The following DCAF8L2 variants were observed in gnomAD, a reference collection of about 807,000 sequenced individuals.
DCAF8L2 encodes DDB1- and CUL4-associated factor 8-like protein 2.
For synonymous variants in DCAF8L2, 200 were observed against 190.9 expected (o/e 1.05, Z -0.39); for missense variants, 430 against 490.7 (o/e 0.88, Z 1.17).
At chrX:27,513,759 A>G in the DCAF8L2 span, among the ~76,000 whole-genome samples, 1 of 111,322 alleles carries the variant, frequency 9.0e-6, no homozygotes, top group Non-Finnish European at 1.9e-5. Flanking sequence ...AAAATAATAC[A>G]TTGAAATTTC....
intron 2 of DCAF8L2, among the ~76,000 whole-genome samples, chrX:27,654,902 G>T (rs767923356): frequency 1.8e-5 from 2 of 110,741 alleles, no homozygotes; most frequent in Non-Finnish European, 3.8e-5. Flanking sequence ...TGTCATTAAC[G>T]TAACATTAAT....
At chrX:27,521,264 CA>C in the DCAF8L2 span, among the ~76,000 whole-genome samples, 2 of 111,981 alleles carry the variant, frequency 1.8e-5, no homozygotes, top group African/African-American at 6.5e-5. Context: ...AGAATTCTTT[CA>C]AAAAACATCT....
intron 1 of DCAF8L2, among the ~76,000 whole-genome samples, chrX:27,619,234 A>G (rs1442733570): frequency 8.9e-6 from 1 of 111,786 alleles, no homozygotes; most frequent in East Asian, 2.8e-4. Context: ...GTTATCTTAG[A>G]GATTTTAATA....
At chrX:27,737,649 A>C (rs1301836981) in intron 4 of DCAF8L2, among the ~76,000 whole-genome samples, 1 of 111,350 alleles carries the variant, frequency 9.0e-6, no homozygotes, top group Admixed American at 9.6e-5. Context: ...TTAATAATTC[A>C]ATTAGCATAC....
At chrX:27,709,932 C>A (rs778103940) in intron 3 of DCAF8L2, among the ~76,000 whole-genome samples, 1 of 106,738 alleles carries the variant, frequency 9.4e-6, no homozygotes, top group Non-Finnish European at 1.9e-5. Flanking sequence ...TCTAATAAAT[C>A]GTTGCAAATA....
At chrX:27,740,098 G>A (rs998476147) in intron 4 of DCAF8L2, among the ~76,000 whole-genome samples, 7 of 111,217 alleles carry the variant, frequency 6.3e-5, no homozygotes, top group African/African-American at 2.3e-4. Flanking sequence ...GTTCGTAATA[G>A]CAATGATGTC....
the DCAF8L2 span, among the ~76,000 whole-genome samples, chrX:27,548,898 G>A: frequency 3.6e-5 from 4 of 111,758 alleles, no homozygotes; most frequent in Non-Finnish European, 7.5e-5. Flanking sequence ...ACATCAGTCA[G>A]CTTTCGGGGC....
At chrX:27,665,555 C>T (rs1929711636) in intron 2 of DCAF8L2, among the ~76,000 whole-genome samples, 1 of 111,743 alleles carries the variant, frequency 8.9e-6, no homozygotes, top group South Asian at 3.7e-4. Flanking sequence ...GTATTGGCTC[C>T]AATTTTGAAA....
At chrX:27,619,838 A>T (rs1450513133) in intron 1 of DCAF8L2, among the ~76,000 whole-genome samples, 1 of 111,240 alleles carries the variant, frequency 9.0e-6, no homozygotes, top group Non-Finnish European at 1.9e-5. Flanking sequence ...AAACTGCATG[A>T]TAAAAAAAAG....
chrX:27,700,055 G>A (rs1931075015), intron 3 of DCAF8L2, among the ~76,000 whole-genome samples: 1 of 110,041 alleles, frequency 9.1e-6, no homozygotes, highest in African/African-American at 3.3e-5. Context: ...AAGGGAACAT[G>A]GGGCCAAAAT....
At chrX:27,669,459 T>C (rs895099684) in intron 2 of DCAF8L2, among the ~76,000 whole-genome samples, 8 of 109,317 alleles carry the variant, frequency 7.3e-5, no homozygotes, top group African/African-American at 2.0e-4. Context: ...TTTATTCATT[T>C]ATTTATTTAT....
intron 1 of DCAF8L2, among the ~76,000 whole-genome samples, chrX:27,625,095 G>A (rs1471993946): frequency 5.4e-5 from 6 of 111,478 alleles, no homozygotes; most frequent in Non-Finnish European, 3.8e-5. Flanking sequence ...CAAACTATGC[G>A]TCAAACAAAG....
the DCAF8L2 span, among the ~76,000 whole-genome samples, chrX:27,570,097 G>A: frequency 9.0e-6 from 1 of 110,970 alleles, no homozygotes; most frequent in African/African-American, 3.3e-5. Context: ...GGAAAAACAG[G>A]TATGCTCAGT....
At chrX:27,600,623 C>T (rs768464041) in intron 1 of DCAF8L2, among the ~76,000 whole-genome samples, 1 of 111,928 alleles carries the variant, frequency 8.9e-6, no homozygotes, top group Non-Finnish European at 1.9e-5. Context: ...AAGTATAAGA[C>T]AAAAATGAAT....
chrX:27,514,276 T>C, the DCAF8L2 span, among the ~76,000 whole-genome samples: 30 of 42,148 alleles, frequency 7.1e-4, 2 homozygotes, highest in African/African-American at 1.3e-3. Flanking sequence ...TATGTGCACA[T>C]ATGTACATAT....
the DCAF8L2 span, chrX:27,519,639 A>T: frequency 1.6e-6 from 1 of 618,034 alleles, no homozygotes; most frequent in African/African-American, 2.2e-5. Flanking sequence ...GTGCTGAATT[A>T]TCAAATGAAG....
At chrX:27,658,004 C>T (rs922957068) in intron 2 of DCAF8L2, among the ~76,000 whole-genome samples, 4 of 112,345 alleles carry the variant, frequency 3.6e-5, no homozygotes, top group African/African-American at 1.3e-4. Flanking sequence ...ACCCCTAATC[C>T]GTGCATTTTT....
chrX:27,509,323 C>T, the DCAF8L2 span, among the ~76,000 whole-genome samples: 1 of 111,397 alleles, frequency 9.0e-6, no homozygotes, highest in African/African-American at 3.3e-5. Flanking sequence ...TATTATTAAA[C>T]TAAGTTCAGC....
the DCAF8L2 span, among the ~76,000 whole-genome samples, chrX:27,514,667 T>C: frequency 2.3e-4 from 1 of 4,273 alleles, no homozygotes; most frequent in African/African-American, 4.1e-4. Flanking sequence ...AGACTCCGTC[T>C]CAAAAAAAAA....
Sources: allele counts gnomAD v4.1 joint callset (sites outside exome capture counted in the v4.1 genomes callset), GRCh38; gene constraint gnomAD v4.1.1; transcripts MANE v1.5; gene names NCBI Gene and HGNC (gene_info 2026-07-23, HGNC 2026-07-21).